The following MUC6 variants were observed in gnomAD, a reference collection of about 807,000 sequenced individuals.
MUC6 encodes the protein mucin 6, oligomeric mucus/gel-forming (gene/pseudogene).
A neutral mutation model predicts 201.5 loss-of-function variants in MUC6; 188 were observed. The observed-to-expected ratio is 0.93, with a 90% CI of 0.83 to 1.05. The LOEUF (loss-of-function observed/expected upper bound fraction) is 1.05, where lower values mean the gene tolerates loss of function less well. Among genes scored for constraint, MUC6 ranks in the 50% least tolerant of loss-of-function variants. The pLI, the probability that MUC6 is intolerant of heterozygous loss-of-function variation, is 0.00. For synonymous variants in MUC6, 1,228 were observed against 1,389.4 expected (o/e 0.88, Z 2.58); for missense variants, 2,706 against 3,256.9 (o/e 0.83, Z 4.12).
chr11:1,021,372 T>TC, intron 26 of MUC6, 95 bp from the exon 27 acceptor site: 1 of 503,010 alleles, frequency 2.0e-6, no homozygotes, highest in East Asian at 4.0e-5. Flanking sequence ...TCTCTGCTTT[T>TC]TTTTTTTTTT....
chr11:1,024,052 C>G lies in MUC6; in HGVS notation c.3277G>C (p.Asp1093His). The change falls in exon 25 of 33, where the codon GAC becomes CAC. Residue 1093 changes from aspartate to histidine, a missense_variant. Asp to His is a moderately conservative substitution (Grantham distance 81). Transcript: ENST00000421673. Reference sequence around the variant, plus strand: ...AGACACTCACAGTCCCCGCCACTGTCACACCCACATGCGTCGCGCACGCAG... The same window carrying G: ...AGACACTCACAGTCCCCGCCACTGTGACACCCACATGCGTCGCGCACGCAG... ...EACVRDACGC[D>H]SGGDCECLCD... 6.2e-7 allele frequency: 1 copy of G among 1,613,154 alleles called. No homozygotes were observed. Among genetic ancestry groups the G allele is most frequent in the Non-Finnish European group, 8.5e-7 (1 of 1,179,784 alleles).
intron 1 of MUC6, among the ~76,000 whole-genome samples, chr11:1,034,121 A>G (rs960378096): frequency 6.6e-6 from 1 of 152,052 alleles, no homozygotes; most frequent in Non-Finnish European, 1.5e-5. Context: ...GATGGTGTTA[A>G]CCGCGGTCCA....
chr11:1,018,532 A>G lies in MUC6; in HGVS notation c.4269T>C (p.Thr1423=), dbSNP rs766709560. ...GSPVPSTGPV[T]ATSFHATTTY... ...TAGTGGTGGCATGGAAAGATGTTGC[A>G]GTGACAGGACCTGTGGAAGGGACGG... is the stretch of plus-strand genomic sequence containing the variant. The change falls in exon 31 of 33, where the codon ACT becomes ACC. Residue 1423 remains threonine, a synonymous_variant. Transcript: ENST00000421673. The G allele has an allele frequency of 1.2e-6, 2 of 1,613,532 alleles. No individual in the cohort carries two copies. The highest frequency in any genetic ancestry group is 1.7e-6 in the Non-Finnish European group (2 of 1,179,696).
intron 1 of MUC6, among the ~76,000 whole-genome samples, chr11:1,036,024 C>G (rs767857947): frequency 2.0e-4 from 30 of 152,074 alleles, no homozygotes; most frequent in Non-Finnish European, 1.9e-4. Flanking sequence ...TGGATCCTGC[C>G]CGAGCTGGGT....
intron 32 of MUC6, 51 bp from the exon 33 acceptor site, chr11:1,013,684 G>T: frequency 1.3e-6 from 2 of 1,515,026 alleles, no homozygotes; most frequent in Middle Eastern, 1.9e-4. Flanking sequence ...AGGGGCATAA[G>T]GCCCCTCCCT....
chr11:1,030,631 G>A lies in MUC6; in HGVS notation c.834C>T (p.Ser278=), dbSNP rs1857079211. Residue 278 remains serine (S), a synonymous_variant, in exon 7 of 33, where the codon TCC becomes TCT. Coordinates refer to ENST00000421673, the MANE Select transcript of MUC6 (RefSeq NM_005961.3). ...NSSCATLSEY[S]RQCSMVGQPV... is the part of the protein sequence containing the mutation. ...GCTGGCCCACCATGCTGCACTGGCG[G>A]GAGTACTCCGACAGGGTGGCACAAC... The A allele has an allele frequency of 6.5e-7, 1 of 1,541,360 alleles. No individual in the cohort carries two copies.
chr11:1,030,167 C>T, intron 8 of MUC6, 46 bp downstream of exon 8: 19 of 1,516,832 alleles, frequency 1.3e-5, no homozygotes, highest in Non-Finnish European at 1.7e-5. Flanking sequence ...TCTCTGGGTT[C>T]TCTCTAGGGG....
At chr11:1,026,845 G>T in intron 19 of MUC6, 96 bp downstream of exon 19, 1 of 1,259,310 alleles carries the variant, frequency 7.9e-7, no homozygotes, top group Non-Finnish European at 1.1e-6. Flanking sequence ...CCGCTGCAGG[G>T]CAGAATGCGG....
At position 1,028,937 on chromosome 11, in the gene MUC6, C is replaced by T. The variant is rs1857032218; in HGVS notation, c.1405G>A (p.Glu469Lys). ...RQDKIVISQD[E>K]VVTNNGEAKW... ...GCTTCTCCGTTGTTGGTGACCACCT[C>T]GTCCTGAGAGATCACAATTTTGTCC... The change falls in exon 12 of 33, where the codon GAG (glutamate) becomes AAG (lysine). Residue 469 changes from glutamate (E) to lysine (K), a missense_variant. Transcript: ENST00000421673. The T allele has an allele frequency of 5.0e-6, 8 of 1,612,952 alleles. No homozygotes were observed. Among genetic ancestry groups the T allele is most frequent in the Admixed American group, 1.7e-5 (1 of 60,012 alleles).
In MUC6 at chr11:1,016,429, A is replaced by G; in HGVS notation, c.6372T>C (p.Thr2124=). The part of the protein sequence containing the change: ...LSSATTPVST[T]NQLSSSFSPS... ...GAGAAAATGAGGAGGACAGCTGATT[A>G]GTTGTGGAAACAGGAGTGGTTGCAG... Residue 2124 remains threonine, a synonymous_variant, in exon 31 of 33, where the codon ACT becomes ACC. Coordinates refer to ENST00000421673, the MANE Select transcript of MUC6 (RefSeq NM_005961.3). 1 of 1,613,894 alleles carries G rather than the reference A, an allele frequency of 6.2e-7. No individual in the cohort carries two copies. Among genetic ancestry groups the G allele is most frequent in the Non-Finnish European group, 8.5e-7 (1 of 1,179,868 alleles).
rs780085986 is a variant in MUC6 at position 1,016,192 on chromosome 11, A to T, written c.6609T>A (p.Ala2203=). The T allele has an allele frequency of 3.1e-6, 5 of 1,613,334 alleles. No homozygotes were observed. Among genetic ancestry groups the T allele is most frequent in the Non-Finnish European group, 4.2e-6 (5 of 1,179,766 alleles). ...GAGTGGCCCTAATGGTAGTAGAGGC[A>T]GCTGGAGAAGAAGGAAAAAGAGGAG... ...SASPLFPSSP[A]ASTTIRATLP... The change falls in exon 31 of 33, where the codon GCT becomes GCA. Residue 2203 remains alanine (A), a synonymous_variant. Coordinates refer to ENST00000421673, the MANE Select transcript of MUC6 (RefSeq NM_005961.3).
In MUC6 at chr11:1,033,737, C is replaced by T. The variant is rs1031109490; in HGVS notation, c.53-662G>A. On this transcript the variant is annotated intron_variant, in intron 1 of 32. Transcript: ENST00000421673. This position sits in a 1 kb window ranked among gnomAD's most constrained non-coding sequence, Gnocchi z 5.6. ...GGGGTGGGGCCAACACCCCCCACGT[C>T]CCACCCCCTGTACCCAGAGGGAGAC... Among the ~76,000 whole-genome samples the T allele has an allele frequency of 6.6e-6, 1 of 152,020 alleles. No homozygotes were observed. The highest frequency in any genetic ancestry group is 2.4e-5 in the African/African-American group (1 of 41,378).
chr11:1,034,126 G>A (rs138812700), intron 1 of MUC6, among the ~76,000 whole-genome samples: 9 of 152,304 alleles, frequency 5.9e-5, no homozygotes, highest in Admixed American at 3.3e-4. Flanking sequence ...TGTTAACCGC[G>A]GTCCAGGGAG....
chr11:1,024,205 C>A, intron 24 of MUC6, 102 bp from the exon 25 acceptor site: 1 of 1,362,934 alleles, frequency 7.3e-7, no homozygotes, highest in Admixed American at 2.0e-5. Context: ...CGGAGTGTGG[C>A]GGTAAGGGCG....
chr11:1,020,540 C>T, intron 28 of MUC6, 144 bp downstream of exon 28: 4 of 1,291,270 alleles, frequency 3.1e-6, no homozygotes, highest in Non-Finnish European at 4.4e-6. Context: ...TCCTCCCCAA[C>T]TCTGATTGCC....
intron 16 of MUC6, 39 bp downstream of exon 16, chr11:1,027,642 CCCAG>C: frequency 2.5e-6 from 4 of 1,576,026 alleles, no homozygotes; most frequent in Non-Finnish European, 3.4e-6. Context: ...CCCTCGTGAG[CCCAG>C]CCTGCCGTGA....
At chr11:1,027,652 C>T (rs756041047) in intron 16 of MUC6, 33 bp downstream of exon 16, 42 of 1,580,476 alleles carry the variant, frequency 2.7e-5, no homozygotes, top group South Asian at 2.2e-4. Flanking sequence ...CCCAGCCTGC[C>T]GTGACCCCGC....
In MUC6 at chr11:1,030,251, C is replaced by T. The variant is rs1480796376; in HGVS notation, c.977G>A (p.Cys326Tyr). ...VKTCSNPQHS[C>Y]SSSCTFGCFC... ...GCACCCGAAGGTGCAGGAGCTGGAG[C>T]AGCTGTGCTGCGGGTTGGAGCAGGT... is the stretch of plus-strand genomic sequence containing the variant. Residue 326 changes from cysteine to tyrosine, a missense_variant, in exon 8 of 33, where the codon TGC (cysteine) becomes TAC (tyrosine). Coordinates refer to ENST00000421673, the MANE Select transcript of MUC6 (RefSeq NM_005961.3). 3 of 1,550,830 alleles carry T rather than the reference C, an allele frequency of 1.9e-6. No individual in the cohort carries two copies. Among genetic ancestry groups the T allele is most frequent in the Non-Finnish European group, 2.6e-6 (3 of 1,147,476 alleles).
At chr11:1,030,476 G>C (rs1043176159) in intron 7 of MUC6, 97 bp downstream of exon 7, 16 of 1,434,316 alleles carry the variant, frequency 1.1e-5, no homozygotes, top group Admixed American at 2.2e-5. Flanking sequence ...CAGACCAGGA[G>C]GGATGCAGGC....
Sources: gnomAD v4.1 joint callset for allele counts (sites outside exome capture counted in the v4.1 genomes callset) on GRCh38, gnomAD v4.1.1 for gene constraint, Gnocchi (gnomAD v3.1) non-coding constraint, MANE v1.5 for transcripts, NCBI Gene and HGNC (gene_info 2026-07-23, HGNC 2026-07-21) for gene names.